GSPT1: variants seen among roughly 807,000 people sequenced by gnomAD.
The protein encoded by GSPT1 is eukaryotic peptide chain release factor GTP-binding subunit ERF3A.
In GSPT1, 20 loss-of-function variants were observed where a neutral mutation model predicts 72.5. The observed-to-expected ratio is 0.28, with a 90% CI of 0.19 to 0.40. The LOEUF (loss-of-function observed/expected upper bound fraction) is 0.40. Ranked by LOEUF, GSPT1 falls within the 10% of genes least tolerant of loss-of-function variation. The pLI, the probability that GSPT1 is intolerant of heterozygous loss-of-function variation, is 1.00. For synonymous variants in GSPT1, 334 were observed against 293.5 expected (o/e 1.14, Z -1.41); for missense variants, 580 against 811.9 (o/e 0.71, Z 3.47).
chr16:11,871,996 A>G lies in GSPT1; in HGVS notation c.*1123T>C, dbSNP rs2053984657. ...TGCTTGATTCTGCTTATCGCTGATA[A>G]TTTTAGTCTGTTCAGATTCTGATGA... is the stretch of plus-strand genomic sequence containing the variant. On this transcript the variant is annotated 3_prime_UTR_variant, in exon 15 of 15. Transcript: ENST00000434724. 1 of 152,216 alleles carries G rather than the reference A, an allele frequency of 6.6e-6. No homozygotes were observed. The highest frequency in any genetic ancestry group is 6.5e-5 in the Admixed American group (1 of 15,278). The allele number at this position is 152,216 out of a possible 1,614,324, so 9.4% of individuals were successfully genotyped here. A position where few individuals can be genotyped will look rare whatever the true frequency, so the allele number is the denominator to read the frequency against.
intron 14 of GSPT1, among the ~76,000 whole-genome samples, chr16:11,874,948 T>A (rs1014975331): frequency 6.6e-6 from 1 of 152,212 alleles, no homozygotes; most frequent in Non-Finnish European, 1.5e-5. Flanking sequence ...TCCCAGCACT[T>A]TGGGAGGCCA....
At chr16:11,887,836 GAC>G in intron 6 of GSPT1, 86 bp from the exon 7 acceptor site, 1 of 861,888 alleles carries the variant, frequency 1.2e-6, no homozygotes, top group Middle Eastern at 2.3e-4. Context: ...TATAATGGAT[GAC>G]ACACAACACC....
At chr16:11,904,453 T>C (rs1309080219) in intron 1 of GSPT1, among the ~76,000 whole-genome samples, 2 of 152,120 alleles carry the variant, frequency 1.3e-5, no homozygotes, top group African/African-American at 2.4e-5. Flanking sequence ...CCGCCCGCCT[T>C]GGCCTCCTAA....
intron 11 of GSPT1, among the ~76,000 whole-genome samples, chr16:11,878,962 G>A (rs187926826): frequency 3.2e-4 from 49 of 151,808 alleles, no homozygotes; most frequent in East Asian, 1.9e-3. Flanking sequence ...TGTAATCCCA[G>A]CTACTCAGGA....
chr16:11,907,829 C>T (rs1009890972), intron 1 of GSPT1, among the ~76,000 whole-genome samples: 2 of 152,192 alleles, frequency 1.3e-5, no homozygotes, highest in African/African-American at 4.8e-5. Context: ...TTTATTCGGA[C>T]ACAAAAGCAA....
intron 13 of GSPT1, 67 bp downstream of exon 13, chr16:11,876,019 T>C: frequency 6.9e-7 from 1 of 1,448,916 alleles, no homozygotes; most frequent in Non-Finnish European, 9.7e-7. Flanking sequence ...GCATCACTGT[T>C]GCTGATTAGA....
intron 9 of GSPT1, among the ~76,000 whole-genome samples, chr16:11,886,054 AC>A (rs2054183244): frequency 6.6e-6 from 1 of 152,244 alleles, no homozygotes; most frequent in Non-Finnish European, 1.5e-5. Context: ...ACAAACCTAC[AC>A]ATAGACCTTA....
intron 10 of GSPT1, among the ~76,000 whole-genome samples, chr16:11,883,803 C>G (rs891366228): frequency 6.6e-6 from 1 of 151,834 alleles, no homozygotes; most frequent in Non-Finnish European, 1.5e-5. Context: ...ATCCCAGCTA[C>G]TCGGAAGGCT....
intron 11 of GSPT1, among the ~76,000 whole-genome samples, chr16:11,880,720 T>C (rs991836576): frequency 7.2e-5 from 11 of 152,230 alleles, no homozygotes; most frequent in Non-Finnish European, 1.5e-4. Flanking sequence ...TCTGGAAAAA[T>C]GTCTATTGCA....
chr16:11,899,170 G>GA (rs1355319131), intron 1 of GSPT1, among the ~76,000 whole-genome samples: 2 of 152,102 alleles, frequency 1.3e-5, no homozygotes, highest in African/African-American at 4.8e-5. Context: ...CAGCAAGTAT[G>GA]AAAAAATAAT....
At chr16:11,899,023 T>C (rs2054373899) in intron 1 of GSPT1, among the ~76,000 whole-genome samples, 1 of 152,110 alleles carries the variant, frequency 6.6e-6, no homozygotes. Context: ...TAACCAAATA[T>C]CTAAGTCTGC....
At chr16:11,879,235 A>C (rs2054088936) in intron 11 of GSPT1, among the ~76,000 whole-genome samples, 1 of 149,282 alleles carries the variant, frequency 6.7e-6, no homozygotes, top group South Asian at 2.1e-4. Flanking sequence ...TCTCGACTAA[A>C]AATACAAAAA....
chr16:11,896,478 C>T, intron 4 of GSPT1, 80 bp downstream of exon 4: 1 of 810,062 alleles, frequency 1.2e-6, no homozygotes. Flanking sequence ...TTCAGTTTCA[C>T]TAAACATCTC....
At position 11,894,948 on chromosome 16, in the gene GSPT1, A is replaced by G; in HGVS notation, c.698+6T>C. The G allele has an allele frequency of 6.5e-7, 1 of 1,543,716 alleles. No homozygotes were observed. The highest frequency in any genetic ancestry group is 8.9e-7 in the Non-Finnish European group (1 of 1,124,214). The stretch of plus-strand genomic sequence containing the variant: ...CTCTGTTATTTAACAAAAGATACAG[A>G]CTTACATTATTTGTCCTCCAATGGT... On this transcript the variant is annotated splice_donor_region_variant and intron_variant, in intron 5 of 14. Coordinates refer to ENST00000434724, the MANE Select transcript of GSPT1 (RefSeq NM_002094.4).
intron 10 of GSPT1, among the ~76,000 whole-genome samples, chr16:11,883,799 G>C (rs2054154321): frequency 1.3e-5 from 2 of 151,898 alleles, no homozygotes; most frequent in African/African-American, 2.4e-5. Context: ...TATAATCCCA[G>C]CTACTCGGAA....
intron 1 of GSPT1, among the ~76,000 whole-genome samples, chr16:11,905,259 T>C (rs1200164804): frequency 6.6e-6 from 1 of 152,198 alleles, no homozygotes; most frequent in Non-Finnish European, 1.5e-5. Context: ...ATCTGTGCTG[T>C]GACATGATAG....
chr16:11,891,441 A>C (rs2054259792), intron 5 of GSPT1, among the ~76,000 whole-genome samples: 1 of 150,780 alleles, frequency 6.6e-6, no homozygotes, highest in Admixed American at 6.6e-5. Flanking sequence ...GGCTCACTGC[A>C]ACCTCTGCCT....
chr16:11,871,171 T>C lies in GSPT1; in HGVS notation c.*1948A>G, dbSNP rs1458557813. ...CATAATAAAATCTATTTAAATTTCA[T>C]GCAATAGCCATAATTATAGTTTTAA... On this transcript the variant is annotated 3_prime_UTR_variant, in exon 15 of 15. Transcript: ENST00000434724. 2 of 152,340 alleles carry C rather than the reference T, an allele frequency of 1.3e-5. No homozygotes were observed. Among genetic ancestry groups the C allele is most frequent in the East Asian group, 1.9e-4 (1 of 5,188 alleles). 9.4% of individuals were successfully genotyped at this position (152,340 alleles called of 1,614,324 possible). A position where few individuals can be genotyped will look rare whatever the true frequency, so the allele number is the denominator to read the frequency against.
chr16:11,885,605 G>A (rs970289516), intron 9 of GSPT1, among the ~76,000 whole-genome samples: 1 of 152,102 alleles, frequency 6.6e-6, no homozygotes, highest in African/African-American at 2.4e-5. Flanking sequence ...TAAACATACA[G>A]TATTGGCTGC....
Sources: gnomAD v4.1 joint callset for allele counts (sites outside exome capture counted in the v4.1 genomes callset) on GRCh38, gnomAD v4.1.1 for gene constraint, MANE v1.5 for transcripts, NCBI Gene and HGNC (gene_info 2026-07-23, HGNC 2026-07-21) for gene names.